ANAPC5: variants seen among roughly 807,000 people sequenced by gnomAD.
ANAPC5 encodes the protein anaphase-promoting complex subunit 5.
ANAPC5 carries 60 observed loss-of-function variants against 91.3 expected under a neutral mutation model. The ratio of observed to expected loss-of-function variants is 0.66; its 90% confidence interval spans 0.53 to 0.81. The LOEUF is 0.81. ANAPC5 is among the 40% of genes least tolerant of loss of function. ANAPC5 has a pLI of 0.00. For synonymous variants in ANAPC5, 340 were observed against 364.1 expected, an observed-to-expected ratio of 0.93 and a Z score of 0.75; for missense variants, 690 against 931.5, an observed-to-expected ratio of 0.74 and a Z score of 3.37.
Position 121,345,894 on chromosome 12 carries a change from T to C in ANAPC5, c.535A>G (p.Ser179Gly), listed in dbSNP as rs781949407. ...ATTTTTCTTTCACCCTCATCTCTACTGGTCAGTTCCATATCAGCATCCTCC... is the reference window on the plus strand; with the variant it reads ...ATTTTTCTTTCACCCTCATCTCTACCGGTCAGTTCCATATCAGCATCCTCC... Reference protein sequence around the residue: ...TVEDADMELTSRDEGERKMEK... With the variant: ...TVEDADMELTGRDEGERKMEK... The change falls in exon 4 of 17, where the codon AGT becomes GGT. Residue 179 changes from serine (S) to glycine (G), a missense_variant. Physicochemically the swap from Ser to Gly is moderately conservative, Grantham distance 56. Transcript: ENST00000261819. 5 of 1,614,208 alleles carry C rather than the reference T, an allele frequency of 3.1e-6. No individual in the cohort carries two copies. The highest frequency in any genetic ancestry group is 1.7e-6 in the Non-Finnish European group (2 of 1,180,030).
In ANAPC5 at chr12:121,346,927, A is replaced by C. The variant is rs781955488; in HGVS notation, c.366T>G (p.Thr122=). The C allele has an allele frequency of 6.2e-7, 1 of 1,610,538 alleles. No homozygotes were observed. Among genetic ancestry groups the C allele is most frequent in the African/African-American group, 1.3e-5 (1 of 74,770 alleles). Residue 122 remains threonine (T), a synonymous_variant, in exon 3 of 17, where the codon ACT becomes ACG. Coordinates refer to ENST00000261819, the MANE Select transcript of ANAPC5 (RefSeq NM_016237.5). The stretch of plus-strand genomic sequence containing the variant: ...CACTTGTTTTGTGAACCTCTGGTTC[A>C]GTTCCAGAGAAAGAATCTGAAAGGT... ...FDDLSDSFSG[T]EPEVHKTSVV...
At chr12:121,337,593 C>T (rs1903295858) in intron 5 of ANAPC5, among the ~76,000 whole-genome samples, 1 of 152,116 alleles carries the variant, frequency 6.6e-6, no homozygotes, top group South Asian at 2.1e-4. Context: ...CTCCTCTTGA[C>T]CATCTACAAC....
Position 121,327,211 on chromosome 12 carries a change from G to T in ANAPC5, c.1325C>A (p.Ala442Asp). The T allele has an allele frequency of 1.2e-6, 2 of 1,613,244 alleles. No individual in the cohort carries two copies. The highest frequency in any genetic ancestry group is 1.7e-6 in the Non-Finnish European group (2 of 1,179,944). Residue 442 changes from alanine to aspartate, a missense_variant, in exon 11 of 17, where the codon GCC becomes GAC. Ala to Asp is a moderately radical substitution (Grantham distance 126). This residue lies in a region of ANAPC5 where 317 missense variants were observed against 438.7 expected (regional missense o/e 0.72). Transcript: ENST00000261819. ...GCTGTTCATGCTCAGCAACATCTGG[G>T]CCTGTTGCAGTGCCATGGTGCTGGG... The part of the protein sequence containing the change: ...YGRSTMALQQ[A>D]QMLLSMNSLE...
chr12:121,314,665 T>G (rs1255863041), intron 15 of ANAPC5, among the ~76,000 whole-genome samples: 1 of 151,640 alleles, frequency 6.6e-6, no homozygotes, highest in Non-Finnish European at 1.5e-5. Context: ...TTGCCCAACC[T>G]GTAGTGCAGT....
chr12:121,321,680 G>A (rs1324671840), intron 11 of ANAPC5, among the ~76,000 whole-genome samples: 2 of 151,634 alleles, frequency 1.3e-5, no homozygotes, highest in Non-Finnish European at 2.9e-5. Flanking sequence ...TGGAATTACA[G>A]GTGCGCGCCA....
chr12:121,308,350 GACAA>G lies in ANAPC5; in HGVS notation c.*126_*129del, dbSNP rs1252496183. The G allele has an allele frequency of 1.3e-6, 1 of 742,252 alleles. No homozygotes were observed. The highest frequency in any genetic ancestry group is 1.8e-5 in the African/African-American group (1 of 56,568). 46.0% of individuals were successfully genotyped at this position (742,252 alleles called of 1,614,324 possible). ...TACGTAGTTACTAGCAACAAAATAA[GACAA>G]ACTAATCAGAATGCTGTTTATTGAC... On this transcript the variant is annotated 3_prime_UTR_variant, in exon 17 of 17. Coordinates refer to ENST00000261819, the MANE Select transcript of ANAPC5 (RefSeq NM_016237.5).
At chr12:121,341,197 C>T (rs758299325) in intron 5 of ANAPC5, among the ~76,000 whole-genome samples, 3 of 151,534 alleles carry the variant, frequency 2.0e-5, no homozygotes, top group Non-Finnish European at 2.9e-5. Context: ...GTTTGGGGCA[C>T]GCTGGTTCAT....
In ANAPC5 at chr12:121,328,489, G is replaced by A. The variant is rs1902906621; in HGVS notation, c.1131C>T (p.Ala377=). 2.5e-6 allele frequency: 4 copies of A among 1,613,894 alleles called. No homozygotes were observed. In the East Asian group the frequency reaches 8.9e-5, roughly 36 times the overall value. Residue 377 remains alanine, a synonymous_variant, in exon 10 of 17, where the codon GCC becomes GCT. Transcript: ENST00000261819. The stretch of plus-strand genomic sequence containing the variant: ...GAACAAGGGACTGTATTCCCAGGGA[G>A]GCGAGGTACTAAGGGGACAGATATA... ...KAVHFGLPYL[A]SLGIQSLVQQ...
At position 121,308,555 on chromosome 12, in the gene ANAPC5, G is replaced by C; in HGVS notation, c.2193C>G (p.Asn731Lys). Residue 731 changes from asparagine to lysine, a missense_variant, in exon 17 of 17, where the codon AAC (asparagine) becomes AAG (lysine). Physicochemically the swap from Asn to Lys is moderately conservative, Grantham distance 94 (BLOSUM62 0). Coordinates refer to ENST00000261819, the MANE Select transcript of ANAPC5 (RefSeq NM_016237.5). The part of the protein sequence containing the change: ...YHTLGKTQER[N>K]RCAMLFRQLH... Reference sequence around the variant, plus strand: ...GCTGCCGGAAGAGCATCGCACACCGGTTCCTCTCCTGGGTCTTCCCCAGGG... The same window carrying C: ...GCTGCCGGAAGAGCATCGCACACCGCTTCCTCTCCTGGGTCTTCCCCAGGG... 1.2e-6 allele frequency: 2 copies of C among 1,614,150 alleles called. No individual in the cohort carries two copies. The highest frequency in any genetic ancestry group is 2.2e-5 in the East Asian group (1 of 44,872).
At chr12:121,346,588 G>A (rs1903675180) in intron 3 of ANAPC5, 2 of 257,146 alleles carry the variant, frequency 7.8e-6, no homozygotes, top group African/African-American at 2.2e-5. Context: ...GTCTGGGCTG[G>A]TGACCCTCAC....
chr12:121,324,283 T>C (rs1902724926), intron 11 of ANAPC5, among the ~76,000 whole-genome samples: 2 of 151,964 alleles, frequency 1.3e-5, no homozygotes, highest in Admixed American at 6.6e-5. Context: ...AGTAAGTATA[T>C]ATATATCCAC....
intron 4 of ANAPC5, among the ~76,000 whole-genome samples, chr12:121,344,397 A>G (rs1321245832): frequency 2.6e-5 from 4 of 152,174 alleles, no homozygotes; most frequent in South Asian, 2.1e-4. Context: ...TGGCCAACAC[A>G]GTGAAACCCC....
chr12:121,339,569 C>T (rs1323969153), intron 5 of ANAPC5, among the ~76,000 whole-genome samples: 1 of 152,190 alleles, frequency 6.6e-6, no homozygotes, highest in Non-Finnish European at 1.5e-5. Flanking sequence ...CTCATGGGTT[C>T]AAGCGATTCT....
intron 11 of ANAPC5, among the ~76,000 whole-genome samples, chr12:121,322,750 C>T (rs963134846): frequency 2.0e-5 from 3 of 152,076 alleles, no homozygotes; most frequent in Admixed American, 6.5e-5. Flanking sequence ...AGGCTGGGTG[C>T]GGTAGCTCAC....
Position 121,327,187 on chromosome 12 carries a change from C to T in ANAPC5, c.1349G>A (p.Ser450Asn), listed in dbSNP as rs1555272364. The stretch of plus-strand genomic sequence containing the variant: ...CACGCCCGCATTCACCGCCTCCAGG[C>T]TGTTCATGCTCAGCAACATCTGGGC... ...QQAQMLLSMN[S>N]LEAVNAGVQQ... Residue 450 changes from serine (S) to asparagine (N), a missense_variant, in exon 11 of 17, where the codon AGC becomes AAC. Ser to Asn is a conservative substitution (Grantham distance 46). Around this residue, in one of 5 missense-constraint regions of ANAPC5, gnomAD observed 317 missense variants for 438.7 expected, o/e 0.72. Transcript: ENST00000261819. The T allele has an allele frequency of 2.5e-6, 4 of 1,613,520 alleles. No individual in the cohort carries two copies. In the African/African-American group the frequency reaches 4.0e-5, roughly 16 times the overall value.
Position 121,341,560 on chromosome 12 carries a change from AAATAAGATG to A in ANAPC5, c.657+434_657+442del, listed in dbSNP as rs202166878. ...TCTGCAACTGGAAATATATATCAAA[AAATAAGATG>A]AAATGGTGGCTGAATAGAGAGTGGT... On this transcript the variant is annotated intron_variant, in intron 5 of 16. Transcript: ENST00000261819. Among the ~76,000 whole-genome samples the A allele has an allele frequency of 3.9e-5, 6 of 152,320 alleles. No individual in the cohort carries two copies. The East Asian group carries it at 1.2e-3, about 29-fold the overall frequency.
At chr12:121,316,019 A>G (rs1457660846) in intron 15 of ANAPC5, among the ~76,000 whole-genome samples, 1 of 152,234 alleles carries the variant, frequency 6.6e-6, no homozygotes, top group East Asian at 1.9e-4. Context: ...ACAGAACAGG[A>G]GAAAATATTT....
At chr12:121,328,700 G>C in intron 9 of ANAPC5, 1 of 497,416 alleles carries the variant, frequency 2.0e-6, no homozygotes, top group Non-Finnish European at 3.6e-6. Flanking sequence ...AGAGGCAGAG[G>C]GTACACGGGA....
chr12:121,347,057 C>A (rs1555274793), intron 2 of ANAPC5, 52 bp from the exon 3 acceptor site: 3 of 1,172,898 alleles, frequency 2.6e-6, no homozygotes, highest in Non-Finnish European at 3.7e-6. Flanking sequence ...TGAATAATTT[C>A]TCATGTTTCA....
Sources: gnomAD v4.1 joint callset for allele counts (sites outside exome capture counted in the v4.1 genomes callset) on GRCh38, gnomAD v4.1.1 for gene constraint, gnomAD v4.1.1 regional missense constraint, MANE v1.5 for transcripts, NCBI Gene and HGNC (gene_info 2026-07-23, HGNC 2026-07-21) for gene names.